EYS: variants seen among roughly 807,000 people sequenced by gnomAD.
EYS encodes the protein EGF-like photoreceptor maintenance factor.
EYS carries 250 observed loss-of-function variants against 282.1 expected under a neutral mutation model. That is an observed-to-expected ratio of 0.89 (90% CI 0.80 to 0.98). The LOEUF is 0.98. EYS is among the 50% of genes least tolerant of loss of function. EYS has a pLI of 0.00. For missense variants in EYS, 4,016 were observed against 3,709.0 expected, an observed-to-expected ratio of 1.08 and a Z score of -2.15; for synonymous variants, 1,355 against 1,282.9, an observed-to-expected ratio of 1.06 and a Z score of -1.20.
At chr6:64,995,697 A>C (rs1178577514) in intron 14 of EYS, among the ~76,000 whole-genome samples, 2 of 142,498 alleles carry the variant, frequency 1.4e-5, no homozygotes, top group Non-Finnish European at 3.0e-5. Flanking sequence ...CTCTTCTTCA[A>C]CTTTGCTTCT....
chr6:64,926,734 GCTATTT>G (rs2150084737), intron 15 of EYS, among the ~76,000 whole-genome samples: 1 of 152,134 alleles, frequency 6.6e-6, no homozygotes, highest in South Asian at 2.1e-4. Flanking sequence ...ACACAATTTT[GCTATTT>G]CTAAGTAGGT....
At chr6:63,860,950 TC>T (rs1217182079) in intron 36 of EYS, among the ~76,000 whole-genome samples, 1 of 152,182 alleles carries the variant, frequency 6.6e-6, no homozygotes, top group African/African-American at 2.4e-5. Flanking sequence ...ATATTTCTCT[TC>T]TATATTTTCT....
At chr6:63,977,797 T>A (rs1766910924) in intron 35 of EYS, among the ~76,000 whole-genome samples, 1 of 151,954 alleles carries the variant, frequency 6.6e-6, no homozygotes, top group African/African-American at 2.4e-5. Context: ...CCTTTCGATA[T>A]TTTTCAGTCA....
At chr6:65,076,387 G>A (rs1302966336) in intron 12 of EYS, among the ~76,000 whole-genome samples, 1 of 151,846 alleles carries the variant, frequency 6.6e-6, no homozygotes, top group Non-Finnish European at 1.5e-5. Context: ...AATTACATAT[G>A]TCCATTAAAT....
Position 63,827,801 on chromosome 6 carries a change from G to A in EYS, c.7229-21429C>T, listed in dbSNP as rs576054362. Among the ~76,000 whole-genome samples the A allele has an allele frequency of 2.5e-4, 36 of 145,572 alleles. No homozygotes were observed. The South Asian group carries it at 4.9e-3, about 20-fold the overall frequency. On this transcript the variant is annotated intron_variant, in intron 36 of 42. Coordinates refer to ENST00000503581, the MANE Select transcript of EYS (RefSeq NM_001142800.2). ...GGAGCTTGCAGTGAGCTGAGATTGC[G>A]CCACTGCAGTCCACAGTCCGGCCTG...
intron 29 of EYS, among the ~76,000 whole-genome samples, chr6:64,373,653 A>G (rs1772463274): frequency 6.6e-6 from 1 of 152,192 alleles, no homozygotes; most frequent in South Asian, 2.1e-4. Context: ...AAGAAGTAGG[A>G]CGGCTGAGCC....
chr6:64,585,573 A>G (rs1247836555), intron 26 of EYS, among the ~76,000 whole-genome samples: 2 of 152,130 alleles, frequency 1.3e-5, no homozygotes, highest in Non-Finnish European at 2.9e-5. Context: ...CGAGTTTTCA[A>G]AATAAAACAA....
chr6:65,547,398 C>T (rs1438235191), intron 2 of EYS, among the ~76,000 whole-genome samples: 1 of 151,606 alleles, frequency 6.6e-6, no homozygotes, highest in African/African-American at 2.4e-5. Context: ...CTATACATAC[C>T]ATATTCAACT....
At chr6:63,988,145 C>T (rs187084332) in intron 34 of EYS, among the ~76,000 whole-genome samples, 1 of 151,766 alleles carries the variant, frequency 6.6e-6, no homozygotes, top group Admixed American at 6.6e-5. Context: ...TTTGTTTTCA[C>T]ATTCTACAAA....
At chr6:64,989,826 A>ACACT (rs1771003553) in intron 14 of EYS, among the ~76,000 whole-genome samples, 2 of 137,876 alleles carry the variant, frequency 1.5e-5, no homozygotes, top group South Asian at 2.3e-4. Context: ...ACACACACAC[A>ACACT]CACACACTCA....
intron 35 of EYS, among the ~76,000 whole-genome samples, chr6:63,912,795 C>A (rs1764296880): frequency 6.7e-6 from 1 of 148,778 alleles, no homozygotes; most frequent in Non-Finnish European, 1.5e-5. Context: ...GCCCCCCCGA[C>A]TTGCTCCTAC....
At chr6:64,296,107 A>C (rs905556050) in intron 30 of EYS, among the ~76,000 whole-genome samples, 9 of 152,100 alleles carry the variant, frequency 5.9e-5, no homozygotes, top group Non-Finnish European at 1.3e-4. Context: ...CCACTTTTTA[A>C]CTCACCTTTA....
intron 8 of EYS, among the ~76,000 whole-genome samples, chr6:65,379,931 A>G (rs1765544802): frequency 6.6e-6 from 1 of 151,996 alleles, no homozygotes; most frequent in Admixed American, 6.6e-5. Flanking sequence ...GACCTCTTCA[A>G]GGAGAACTAC....
At chr6:64,666,020 T>C (rs1769217683) in intron 22 of EYS, among the ~76,000 whole-genome samples, 1 of 152,174 alleles carries the variant, frequency 6.6e-6, no homozygotes, top group South Asian at 2.1e-4. Context: ...CTCTCACTTA[T>C]AAGTTGGAGC....
chr6:65,335,163 A>G lies in EYS; in HGVS notation c.1600-17T>C, dbSNP rs781668960. The G allele has an allele frequency of 2.6e-6, 4 of 1,566,286 alleles. No individual in the cohort carries two copies. The highest frequency in any genetic ancestry group is 2.2e-5 in the East Asian group (1 of 44,498). On this transcript the variant is annotated splice_polypyrimidine_tract_variant and intron_variant, in intron 10 of 42. Coordinates refer to ENST00000503581, the MANE Select transcript of EYS (RefSeq NM_001142800.2). The stretch of plus-strand genomic sequence containing the variant: ...TGCACAAATCTATAGCAACGAAAGA[A>G]GTAAAAATGTTATGAATTCCCATCA...
chr6:65,138,817 C>T (rs902993625), intron 12 of EYS, among the ~76,000 whole-genome samples: 2 of 151,962 alleles, frequency 1.3e-5, no homozygotes, highest in Non-Finnish European at 2.9e-5. Flanking sequence ...ATTCATGAGG[C>T]CAACAAGCAT....
At chr6:64,604,796 G>T (rs1766871741) in intron 24 of EYS, among the ~76,000 whole-genome samples, 1 of 151,970 alleles carries the variant, frequency 6.6e-6, no homozygotes, top group East Asian at 1.9e-4. Flanking sequence ...TCCAAAAGAA[G>T]GTGCAATAAG....
intron 29 of EYS, among the ~76,000 whole-genome samples, chr6:64,362,229 G>T: frequency 6.6e-6 from 1 of 151,824 alleles, no homozygotes; most frequent in South Asian, 2.1e-4. Flanking sequence ...AAAATAATTT[G>T]CATAAGCAAC....
intron 12 of EYS, among the ~76,000 whole-genome samples, chr6:65,201,702 G>A (rs965947128): frequency 6.6e-6 from 1 of 151,980 alleles, no homozygotes; most frequent in African/African-American, 2.4e-5. Flanking sequence ...CTCTTATTCT[G>A]TTTTGTCCTA....
Sources: gnomAD v4.1 joint callset for allele counts (sites outside exome capture counted in the v4.1 genomes callset) on GRCh38, gnomAD v4.1.1 for gene constraint, MANE v1.5 for transcripts, NCBI Gene and HGNC (gene_info 2026-07-23, HGNC 2026-07-21) for gene names.